The following HDHD2 variants were observed in gnomAD, a reference collection of about 807,000 sequenced individuals.
HDHD2 encodes haloacid dehalogenase like hydrolase domain containing 2.
Under a neutral mutation model 24.8 loss-of-function variants are expected in HDHD2, and 26 were observed. The ratio of observed to expected loss-of-function variants is 1.05; its 90% CI spans 0.77 to 1.45. HDHD2 has a LOEUF of 1.45. HDHD2 is among the 40% of genes most tolerant of loss of function. The pLI, the probability that HDHD2 is intolerant of heterozygous loss-of-function variation, is 0.00. For synonymous variants in HDHD2, 128 were observed against 114.9 expected, an observed-to-expected ratio of 1.11 and a Z score of -0.73; for missense variants, 299 against 313.4, an observed-to-expected ratio of 0.95 and a Z score of 0.35.
At chr18:47,146,013 C>T (rs1364368516) in intron 1 of HDHD2, among the ~76,000 whole-genome samples, 1 of 152,020 alleles carries the variant, frequency 6.6e-6, no homozygotes, top group Admixed American at 6.6e-5. Context: ...GGGTGGATGA[C>T]CCTAGGTCAG....
intron 4 of HDHD2, among the ~76,000 whole-genome samples, chr18:47,120,580 G>A (rs1299259013): frequency 9.9e-5 from 15 of 152,200 alleles, no homozygotes; most frequent in Non-Finnish European, 2.1e-4. Context: ...GCTCACTGGA[G>A]TAGCACTTTT....
chr18:47,124,773 C>T (rs918048767), intron 4 of HDHD2, among the ~76,000 whole-genome samples: 10 of 130,750 alleles, frequency 7.6e-5, no homozygotes, highest in Non-Finnish European at 1.6e-4. Flanking sequence ...AATCAGAAAA[C>T]GTAAAAGATT....
intron 3 of HDHD2, among the ~76,000 whole-genome samples, chr18:47,130,812 T>C (rs915532135): frequency 4.6e-5 from 7 of 152,202 alleles, no homozygotes; most frequent in African/African-American, 1.7e-4. Context: ...ATGATTAATA[T>C]GAAATGCACT....
Position 47,111,521 on chromosome 18 carries a change from T to C in HDHD2, c.676+1456A>G, listed in dbSNP as rs2063516229. 5 of 985,026 alleles carry C rather than the reference T, an allele frequency of 5.1e-6. No individual in the cohort carries two copies. In the Admixed American group the frequency reaches 2.5e-4, roughly 48 times the overall value. The allele number at this position is 985,026 out of a possible 1,614,324, so 61.0% of individuals were successfully genotyped here. ...ACAAAGATACATGGAGGCTGACGAG[T>C]GTGGCTACTTTTCCAGACTTCATTT... On this transcript the variant is annotated intron_variant, in intron 6 of 6. Coordinates refer to ENST00000300605, the MANE Select transcript of HDHD2 (RefSeq NM_032124.5).
At chr18:47,117,044 G>C (rs561322428) in intron 4 of HDHD2, among the ~76,000 whole-genome samples, 1 of 152,312 alleles carries the variant, frequency 6.6e-6, no homozygotes, top group South Asian at 2.1e-4. Flanking sequence ...TCTCAGGGAA[G>C]CAGTTCTTCC....
intron 4 of HDHD2, among the ~76,000 whole-genome samples, chr18:47,129,657 C>G (rs2063693447): frequency 2.0e-5 from 3 of 152,148 alleles, no homozygotes; most frequent in Non-Finnish European, 4.4e-5. Context: ...CAACTCTTTT[C>G]CATAACCTGG....
intron 5 of HDHD2, among the ~76,000 whole-genome samples, chr18:47,114,867 G>A (rs2063544788): frequency 6.6e-6 from 1 of 150,738 alleles, no homozygotes; most frequent in Non-Finnish European, 1.5e-5. Context: ...ATATATTATA[G>A]GAGTTAACTA....
rs749198065 is a variant in HDHD2 at position 47,134,511 on chromosome 18, G to A, written c.295C>T (p.Leu99=). ...TTTCCCCTACCTTTGAAATCAGGTA[G>A]TGCCCGATCATCAACTAGCAGCATG... ...RPMLLVDDRA[L]PDFKGIQTSD... is the part of the protein sequence containing the mutation. The change falls in exon 3 of 7, where the codon CTA becomes TTA. Residue 99 remains leucine, a synonymous_variant. Transcript: ENST00000300605. 1 of 1,613,730 alleles carries A rather than the reference G, an allele frequency of 6.2e-7. No homozygotes were observed.
intron 6 of HDHD2, chr18:47,109,976 GGGGA>G: frequency 1.0e-6 from 1 of 985,312 alleles, no homozygotes; most frequent in Non-Finnish European, 1.2e-6. Flanking sequence ...GAAGAAGAGA[GGGGA>G]GGGAGGAAAT....
intron 4 of HDHD2, among the ~76,000 whole-genome samples, chr18:47,119,900 G>C (rs2063589637): frequency 1.3e-5 from 2 of 152,174 alleles, no homozygotes; most frequent in South Asian, 4.1e-4. Context: ...GAACAACATT[G>C]ATCTCCTGGT....
Position 47,150,476 on chromosome 18 carries a change from T to A in HDHD2, c.-109A>T, listed in dbSNP as rs1004941828. The A allele has an allele frequency of 1.3e-5, 2 of 152,266 alleles. No individual in the cohort carries two copies. The highest frequency in any genetic ancestry group is 1.3e-4 in the Admixed American group (2 of 15,294). 9.4% of individuals were successfully genotyped at this position (152,266 alleles called of 1,614,324 possible). A position where few individuals can be genotyped will look rare whatever the true frequency, so the allele number is the denominator to read the frequency against. On this transcript the variant is annotated 5_prime_UTR_variant, in exon 1 of 7. Transcript: ENST00000300605. ...CCTCAGCCGGGATAGACAGCCCCGC[T>A]GCTGCCCGACGGACGCCGGAAGTTG...
chr18:47,135,886 AC>A (rs1195838726), intron 2 of HDHD2, among the ~76,000 whole-genome samples: 1 of 152,224 alleles, frequency 6.6e-6, no homozygotes, highest in African/African-American at 2.4e-5. Flanking sequence ...GATGGAAATA[AC>A]ACAAAAATTT....
At chr18:47,145,969 T>C (rs1408447923) in intron 1 of HDHD2, among the ~76,000 whole-genome samples, 1 of 152,022 alleles carries the variant, frequency 6.6e-6, no homozygotes, top group African/African-American at 2.4e-5. Flanking sequence ...CAGTGGCTCA[T>C]GTCTGTAATC....
intron 1 of HDHD2, among the ~76,000 whole-genome samples, chr18:47,147,990 C>CTTTTT (rs11390608): frequency 7.2e-6 from 1 of 137,996 alleles, no homozygotes. Context: ...TTTTTTCTTT[C>CTTTTT]TTTTTTTTTT....
At chr18:47,135,152 T>C (rs940620266) in intron 2 of HDHD2, among the ~76,000 whole-genome samples, 6 of 152,184 alleles carry the variant, frequency 3.9e-5, no homozygotes, top group African/African-American at 1.4e-4. Context: ...TAAGTATGTA[T>C]TTCTTGATTC....
chr18:47,114,913 T>C (rs764354495), intron 5 of HDHD2, among the ~76,000 whole-genome samples: 3 of 151,880 alleles, frequency 2.0e-5, no homozygotes, highest in Admixed American at 6.6e-5. Context: ...AAATCTCCTA[T>C]TACGCTATGG....
intron 1 of HDHD2, among the ~76,000 whole-genome samples, chr18:47,137,986 C>T (rs1244904106): frequency 6.6e-6 from 1 of 151,260 alleles, no homozygotes; most frequent in Non-Finnish European, 1.5e-5. Context: ...GGTAAAACCG[C>T]GTCTCTGCAT....
chr18:47,144,606 A>G (rs180807349), intron 1 of HDHD2, among the ~76,000 whole-genome samples: 209 of 152,100 alleles, frequency 1.4e-3, no homozygotes, highest in Non-Finnish European at 8.4e-4. Flanking sequence ...TCAAAATACT[A>G]GTTTTCAGCC....
intron 4 of HDHD2, among the ~76,000 whole-genome samples, chr18:47,116,114 G>A (rs1039472942): frequency 1.3e-5 from 2 of 152,096 alleles, no homozygotes; most frequent in African/African-American, 2.4e-5. Context: ...AAAACAACAA[G>A]TCAAAAAGTC....
Sources: gnomAD v4.1 joint callset for allele counts (sites outside exome capture counted in the v4.1 genomes callset) on GRCh38, gnomAD v4.1.1 for gene constraint, MANE v1.5 for transcripts, NCBI Gene and HGNC (gene_info 2026-07-23, HGNC 2026-07-21) for gene names.